AGK: variants seen among roughly 807,000 people sequenced by gnomAD.
The protein encoded by AGK is acylglycerol kinase.
A neutral mutation model predicts 66.4 loss-of-function variants in AGK; 52 were observed. That is an observed-to-expected ratio of 0.78 (90% CI 0.63 to 0.99). The LOEUF (loss-of-function observed/expected upper bound fraction) is 0.99. Ranked by LOEUF, AGK falls within the 50% of genes least tolerant of loss-of-function variation. The probability of loss-of-function intolerance (pLI) is 0.00; values close to 1 mark genes in which losing one functional copy is unlikely to be tolerated. For synonymous variants in AGK, 182 were observed against 181.1 expected (o/e 1.00, Z -0.04); for missense variants, 451 against 506.6 (o/e 0.89, Z 1.05).
intron 2 of AGK, among the ~76,000 whole-genome samples, chr7:141,583,497 G>A (rs1223242858): frequency 6.7e-6 from 1 of 149,252 alleles, no homozygotes; most frequent in African/African-American, 2.5e-5. Context: ...GGTGGGCGGT[G>A]CTTGCCCCCC....
At chr7:141,617,585 T>G (rs549979827) in intron 8 of AGK, among the ~76,000 whole-genome samples, 1 of 152,310 alleles carries the variant, frequency 6.6e-6, no homozygotes, top group East Asian at 1.9e-4. Context: ...AATTTTGAAT[T>G]TGGAATGTTG....
Position 141,611,231 on chromosome 7 carries a change from C to A in AGK, c.334C>A (p.Leu112Met). 1 of 1,613,502 alleles carries A rather than the reference C, an allele frequency of 6.2e-7. No individual in the cohort carries two copies. Among genetic ancestry groups the A allele is most frequent in the Non-Finnish European group, 8.5e-7 (1 of 1,179,666 alleles). The stretch of plus-strand genomic sequence containing the variant: ...GGGACAAGCCAAGAAACTCCTGGAA[C>A]TGATGGAAAACACGGATGTGATCAT... ...YEGQAKKLLE[L>M]MENTDVIIVA... The change falls in exon 6 of 16, where the codon CTG (leucine) becomes ATG (methionine). Residue 112 changes from leucine to methionine, a missense_variant. Leu to Met is a conservative substitution (Grantham distance 15). Coordinates refer to ENST00000649286, the MANE Select transcript of AGK (RefSeq NM_018238.4).
rs758017978 is a variant in AGK at position 141,649,321 on chromosome 7, TTATAAC to T, written c.1039_1044del (p.Thr347_Ile348del). Reference sequence around the variant, plus strand: ...CCTGACACCATCAGCAAAGGAGACTTTATAACTATAGGGTAAGTGGACTGGGGTTCA... The same window carrying T: ...CCTGACACCATCAGCAAAGGAGACTTTATAGGGTAAGTGGACTGGGGTTCA... On this transcript the variant is annotated inframe_deletion, in exon 14 of 16. Transcript: ENST00000649286. 113 of 1,612,294 alleles carry T rather than the reference TTATAAC, an allele frequency of 7.0e-5. No individual in the cohort carries two copies. Among genetic ancestry groups the T allele is most frequent in the Admixed American group, 2.2e-4 (13 of 59,978 alleles).
At chr7:141,573,038 A>G (rs1428407907) in intron 2 of AGK, among the ~76,000 whole-genome samples, 1 of 152,150 alleles carries the variant, frequency 6.6e-6, no homozygotes, top group Non-Finnish European at 1.5e-5. Flanking sequence ...AGCTGAAGGT[A>G]GGGAGGTTTT....
intron 13 of AGK, among the ~76,000 whole-genome samples, chr7:141,648,897 C>G (rs1314584722): frequency 6.6e-6 from 1 of 152,082 alleles, no homozygotes; most frequent in Non-Finnish European, 1.5e-5. Flanking sequence ...ACAGTGAACA[C>G]TGAGATTGCT....
In AGK at chr7:141,596,590, A is replaced by C; in HGVS notation, c.170A>C (p.Asn57Thr). 1 of 1,614,054 alleles carries C rather than the reference A, an allele frequency of 6.2e-7. No homozygotes were observed. Among genetic ancestry groups the C allele is most frequent in the Admixed American group, 1.7e-5 (1 of 60,018 alleles). ...TTTGGCAATCAACTCATTCCTCCCAATGCACAAGTGAAGAAGGCCACTGTT... is the reference window on the plus strand; with the variant it reads ...TTTGGCAATCAACTCATTCCTCCCACTGCACAAGTGAAGAAGGCCACTGTT... ...QVFGNQLIPP[N>T]AQVKKATVFL... Residue 57 changes from asparagine (N) to threonine (T), a missense_variant, in exon 4 of 16, where the codon AAT becomes ACT. Coordinates refer to ENST00000649286, the MANE Select transcript of AGK (RefSeq NM_018238.4).
chr7:141,561,974 G>T (rs1795360406), intron 2 of AGK: 2 of 448,978 alleles, frequency 4.5e-6, no homozygotes, highest in Non-Finnish European at 9.0e-6. Flanking sequence ...GCTCTAGGCT[G>T]GTGCTGGGGA....
At chr7:141,571,824 T>C (rs1795615046) in intron 2 of AGK, among the ~76,000 whole-genome samples, 1 of 152,190 alleles carries the variant, frequency 6.6e-6, no homozygotes, top group Admixed American at 6.5e-5. Context: ...ATTTCACTGG[T>C]CATGCAGATT....
intron 13 of AGK, among the ~76,000 whole-genome samples, chr7:141,644,328 C>T (rs1351009273): frequency 6.6e-6 from 1 of 152,170 alleles, no homozygotes; most frequent in Non-Finnish European, 1.5e-5. Flanking sequence ...TGCTTTTTAT[C>T]TTTGTGCCTA....
At chr7:141,562,389 G>A (rs940249236) in intron 2 of AGK, among the ~76,000 whole-genome samples, 1 of 152,208 alleles carries the variant, frequency 6.6e-6, no homozygotes, top group Non-Finnish European at 1.5e-5. Flanking sequence ...TGGTTTCTCA[G>A]GCGATGGGTG....
chr7:141,566,899 C>T (rs1795482592), intron 2 of AGK, among the ~76,000 whole-genome samples: 1 of 152,188 alleles, frequency 6.6e-6, no homozygotes, highest in African/African-American at 2.4e-5. Flanking sequence ...TTCTCATCTT[C>T]CATTGACACC....
chr7:141,599,186 A>C (rs1327121923), intron 4 of AGK: 1 of 152,176 alleles, frequency 6.6e-6, no homozygotes, highest in African/African-American at 2.4e-5. Context: ...GTCCTGACAC[A>C]TAATTTATAA....
intron 2 of AGK, among the ~76,000 whole-genome samples, chr7:141,590,179 G>A (rs781390748): frequency 6.6e-6 from 1 of 152,148 alleles, no homozygotes; most frequent in Non-Finnish European, 1.5e-5. Context: ...CAGGGCTATT[G>A]TCTTTTCAGC....
At chr7:141,553,204 C>T (rs898559029) in intron 1 of AGK, among the ~76,000 whole-genome samples, 8 of 152,166 alleles carry the variant, frequency 5.3e-5, no homozygotes, top group African/African-American at 1.7e-4. Context: ...TGTCTAGTCT[C>T]ATAAGGACAC....
chr7:141,576,915 C>A (rs1279522990), intron 2 of AGK, among the ~76,000 whole-genome samples: 3 of 152,008 alleles, frequency 2.0e-5, no homozygotes, highest in Non-Finnish European at 4.4e-5. Context: ...TGGCGGGCAC[C>A]TGTAGTCCCA....
At chr7:141,600,337 T>C (rs1335395804) in intron 4 of AGK, among the ~76,000 whole-genome samples, 2 of 152,180 alleles carry the variant, frequency 1.3e-5, no homozygotes, top group Non-Finnish European at 2.9e-5. Flanking sequence ...AACTTCTGTG[T>C]CCCTGGATTC....
At chr7:141,649,845 A>C (rs1420330975) in intron 14 of AGK, among the ~76,000 whole-genome samples, 1 of 152,220 alleles carries the variant, frequency 6.6e-6, no homozygotes, top group Non-Finnish European at 1.5e-5. Context: ...ATGTCCTCCT[A>C]TTCCCAGGGC....
chr7:141,609,951 G>A (rs1180713238), intron 5 of AGK, among the ~76,000 whole-genome samples: 1 of 151,630 alleles, frequency 6.6e-6, no homozygotes, highest in African/African-American at 2.4e-5. Flanking sequence ...ATATATGTAC[G>A]TATGTATGGG....
At chr7:141,614,775 G>A (rs370339085) in intron 7 of AGK, among the ~76,000 whole-genome samples, 12 of 136,464 alleles carry the variant, frequency 8.8e-5, no homozygotes, top group Admixed American at 2.4e-4. Flanking sequence ...TATCTCTATC[G>A]TTTTATTTCT....
Sources: gnomAD v4.1 joint callset for allele counts (sites outside exome capture counted in the v4.1 genomes callset) on GRCh38, gnomAD v4.1.1 for gene constraint, MANE v1.5 for transcripts, NCBI Gene and HGNC (gene_info 2026-07-23, HGNC 2026-07-21) for gene names.